METRNL: variants seen among roughly 807,000 people sequenced by gnomAD.
METRNL encodes the protein meteorin like, glial cell differentiation regulator, also known as meteorin-like protein.
A neutral mutation model predicts 17.4 loss-of-function variants in METRNL; 9 were observed. The observed-to-expected ratio is 0.52, with a 90% CI of 0.31 to 0.90. The LOEUF (loss-of-function observed/expected upper bound fraction) is 0.90, where lower values mean the gene tolerates loss of function less well. Among genes scored for constraint, METRNL ranks in the 40% least tolerant of loss-of-function variants. The pLI, the probability that METRNL is intolerant of heterozygous loss-of-function variation, is 0.05. For missense variants in METRNL, 408 were observed against 430.7 expected (o/e 0.95, Z 0.47); for synonymous variants, 215 against 199.3 (o/e 1.08, Z -0.66).
chr17:83,090,911 G>GC (rs2038125856), intron 2 of METRNL, among the ~76,000 whole-genome samples: 1 of 152,146 alleles, frequency 6.6e-6, no homozygotes. Context: ...CCTGCATCAG[G>GC]CCCAGCATGG....
At chr17:83,083,580 G>C (rs1226574760) in intron 1 of METRNL, among the ~76,000 whole-genome samples, 1 of 152,190 alleles carries the variant, frequency 6.6e-6, no homozygotes. Context: ...TGTTCTGGGT[G>C]TGTGATCCTG....
intron 1 of METRNL, chr17:83,084,601 C>G (rs1461923199): frequency 2.4e-5 from 8 of 334,590 alleles, no homozygotes; most frequent in Non-Finnish European, 3.8e-5. Context: ...GTGTTTGACG[C>G]TACGGCAGCA....
intron 1 of METRNL, among the ~76,000 whole-genome samples, chr17:83,080,821 G>C (rs1239532691): frequency 1.3e-5 from 2 of 150,480 alleles, no homozygotes; most frequent in Non-Finnish European, 3.0e-5. Context: ...CCGTGGCCGG[G>C]CTGGCCCGGG....
intron 2 of METRNL, among the ~76,000 whole-genome samples, chr17:83,085,932 A>G (rs2038048164): frequency 6.6e-6 from 1 of 152,186 alleles, no homozygotes; most frequent in South Asian, 2.1e-4. Context: ...CGCCCAGAAC[A>G]TGGGGCCACC....
chr17:83,090,830 C>T (rs1003990282), intron 2 of METRNL, among the ~76,000 whole-genome samples: 1 of 152,146 alleles, frequency 6.6e-6, no homozygotes, highest in East Asian at 2.0e-4. Context: ...TTTGAGATCC[C>T]CCAGTGCTCC....
At chr17:83,081,369 CG>C (rs1349236361) in intron 1 of METRNL, among the ~76,000 whole-genome samples, 1 of 152,168 alleles carries the variant, frequency 6.6e-6, no homozygotes, top group African/African-American at 2.4e-5. Context: ...ACGCCGCCCC[CG>C]CCACCCAGGC....
intron 2 of METRNL, among the ~76,000 whole-genome samples, chr17:83,090,708 G>A (rs865995745): frequency 7.3e-5 from 11 of 151,404 alleles, no homozygotes; most frequent in East Asian, 2.0e-4. Context: ...TCTCTCAGCC[G>A]AGGCCACCTC....
intron 2 of METRNL, among the ~76,000 whole-genome samples, chr17:83,087,790 G>C (rs1488047929): frequency 6.7e-6 from 1 of 148,474 alleles, no homozygotes; most frequent in Non-Finnish European, 1.5e-5. Flanking sequence ...CCTGAGGTGA[G>C]CCTGAGCCTT....
chr17:83,086,010 A>G (rs1408295633), intron 2 of METRNL, among the ~76,000 whole-genome samples: 2 of 151,992 alleles, frequency 1.3e-5, no homozygotes, highest in African/African-American at 2.4e-5. Flanking sequence ...CAGGGAGTGG[A>G]GGTGTCACGT....
At chr17:83,080,573 C>G (rs1368892210) in intron 1 of METRNL, among the ~76,000 whole-genome samples, 1 of 132,664 alleles carries the variant, frequency 7.5e-6, no homozygotes, top group Non-Finnish European at 1.7e-5. Context: ...CGACCCCCCC[C>G]CCCCCCACCC....
At chr17:83,080,871 C>A (rs2037978075) in intron 1 of METRNL, among the ~76,000 whole-genome samples, 1 of 151,100 alleles carries the variant, frequency 6.6e-6, no homozygotes, top group Admixed American at 6.6e-5. Flanking sequence ...CCCGCCCCCG[C>A]CCCCGCCCCC....
intron 1 of METRNL, 21 bp downstream of exon 1, chr17:83,080,006 C>A: frequency 9.9e-7 from 1 of 1,011,830 alleles, no homozygotes; most frequent in Non-Finnish European, 1.2e-6. Context: ...GCGGCGCGAC[C>A]CCGGCCCGGC....
At position 83,084,950 on chromosome 17, in the gene METRNL, C is replaced by T. The variant is rs372664802; in HGVS notation, c.183C>T (p.His61=). 100 of 1,611,112 alleles carry T rather than the reference C, an allele frequency of 6.2e-5. No individual in the cohort carries two copies. Among genetic ancestry groups the T allele is most frequent in the Non-Finnish European group, 8.0e-5 (94 of 1,178,362 alleles). ...RCSWKGSGLT[H]EAHRKEVEQV... ...CTCTCCTCTGCAGCGGGCTGACGCACGAGGCACACAGGAAGGAGGTGGAGC... is the reference window on the plus strand; with the variant it reads ...CTCTCCTCTGCAGCGGGCTGACGCATGAGGCACACAGGAAGGAGGTGGAGC... The change falls in exon 2 of 4, where the codon CAC becomes CAT. Residue 61 remains histidine (H), a synonymous_variant. Transcript: ENST00000320095.
rs755633004 is a variant in METRNL, at chr17:83,085,238, G to A, written c.471G>A (p.Pro157=). Residue 157 remains proline, a synonymous_variant, in exon 2 of 4, where the codon CCG becomes CCA. Coordinates refer to ENST00000320095, the MANE Select transcript of METRNL (RefSeq NM_001004431.3). ...GCGGCCTGTTCGTGGAGGCCACGCC[G>A]CAGCAGGATATCGGCCGGAGGACCA... The part of the protein sequence containing the change: ...EQGGLFVEAT[P]QQDIGRRTTG... 28 of 1,587,584 alleles carry A rather than the reference G, an allele frequency of 1.8e-5. No homozygotes were observed. Among genetic ancestry groups the A allele is most frequent in the South Asian group, 5.7e-5 (5 of 87,676 alleles).
chr17:83,082,514 C>T (rs2038001626), intron 1 of METRNL, among the ~76,000 whole-genome samples: 1 of 152,234 alleles, frequency 6.6e-6, no homozygotes, highest in Non-Finnish European at 1.5e-5. Context: ...ATCAGATCAG[C>T]CTTGTCAGTT....
At chr17:83,091,592 ACC>A (rs940770252) in intron 2 of METRNL, among the ~76,000 whole-genome samples, 92 of 151,620 alleles carry the variant, frequency 6.1e-4, no homozygotes, top group African/African-American at 1.7e-3. Flanking sequence ...GTCCCCTGGG[ACC>A]CCCAGTCACC....
rs769421805 is a variant in METRNL at position 83,085,103 on chromosome 17, G to A, written c.336G>A (p.Thr112=). The change falls in exon 2 of 4, where the codon ACG becomes ACA. Residue 112 remains threonine (T), a synonymous_variant. Transcript: ENST00000320095. Reference sequence around the variant, plus strand: ...TGACCGTGTGCATCAGGTCCTTCACGGACTCCTCGGGGGCCAATATTTATT... The same window carrying A: ...TGACCGTGTGCATCAGGTCCTTCACAGACTCCTCGGGGGCCAATATTTATT... ...RHLTVCIRSF[T]DSSGANIYLE... 1.2e-5 allele frequency: 20 copies of A among 1,613,836 alleles called. No individual in the cohort carries two copies. Among genetic ancestry groups the A allele is most frequent in the Middle Eastern group, 1.6e-4 (1 of 6,062 alleles).
At chr17:83,084,866 G>T in intron 1 of METRNL, 72 bp from the exon 2 acceptor site, 2 of 1,534,272 alleles carry the variant, frequency 1.3e-6, no homozygotes, top group Non-Finnish European at 1.8e-6. Flanking sequence ...CGTCCTCACT[G>T]ACTCTCTGTG....
At chr17:83,080,171 G>A in intron 1 of METRNL, 186 bp downstream of exon 1, 2 of 195,144 alleles carry the variant, frequency 1.0e-5, no homozygotes, top group Non-Finnish European at 1.9e-5. Flanking sequence ...AAGAGCCCGC[G>A]GCGTCCCGGT....
Sources: allele counts gnomAD v4.1 joint callset (sites outside exome capture counted in the v4.1 genomes callset), GRCh38; gene constraint gnomAD v4.1.1; transcripts MANE v1.5; gene names NCBI Gene and HGNC (gene_info 2026-07-23, HGNC 2026-07-21).